AUTS2: variants seen among roughly 807,000 people sequenced by gnomAD.
AUTS2 encodes activator of transcription and developmental regulator AUTS2.
In AUTS2, 17 loss-of-function variants were observed where a neutral mutation model predicts 112.4. That is an observed-to-expected ratio of 0.15 (90% confidence interval 0.10 to 0.23). The LOEUF (loss-of-function observed/expected upper bound fraction) is 0.23. Ranked by LOEUF, AUTS2 falls within the 10% of genes least tolerant of loss-of-function variation. AUTS2 has a pLI of 1.00. For missense variants in AUTS2, 1,510 were observed against 1,701.6 expected (o/e 0.89, Z 1.98); for synonymous variants, 751 against 702.7 (o/e 1.07, Z -1.09).
chr7:70,234,378 T>C (rs1402580878), intron 4 of AUTS2, among the ~76,000 whole-genome samples: 3 of 152,198 alleles, frequency 2.0e-5, no homozygotes, highest in Non-Finnish European at 4.4e-5. Flanking sequence ...TCAACTCTTC[T>C]CTCAGTATTT....
At chr7:70,672,524 T>C (rs566679844) in intron 5 of AUTS2, among the ~76,000 whole-genome samples, 6 of 152,242 alleles carry the variant, frequency 3.9e-5, no homozygotes, top group African/African-American at 1.4e-4. Flanking sequence ...GTTACTCTCT[T>C]TGGGTGGAAC....
rs544823813 is a variant in AUTS2 at position 70,453,021 on chromosome 7, C to T, written c.690+17240C>T. On this transcript the variant is annotated intron_variant, in intron 5 of 18. Coordinates refer to ENST00000342771, the MANE Select transcript of AUTS2 (RefSeq NM_015570.4). The stretch of plus-strand genomic sequence containing the variant: ...TCCTCCCCTGTCCCTTCCCCACCTC[C>T]CTATCCTGTCTTGAACTTCCAACCC... Among the ~76,000 whole-genome samples, 5 of 152,288 alleles carry T rather than the reference C, an allele frequency of 3.3e-5. No homozygotes were observed. In the South Asian group the frequency reaches 1.0e-3, roughly 32 times the overall value.
intron 5 of AUTS2, among the ~76,000 whole-genome samples, chr7:70,618,415 T>C (rs1418996904): frequency 6.6e-6 from 1 of 152,168 alleles, no homozygotes; most frequent in African/African-American, 2.4e-5. Context: ...GCTCGGCCTG[T>C]TGGGTTTTAC....
In AUTS2 at chr7:70,309,304, A is replaced by G. The variant is rs142716251; in HGVS notation, c.661-126448A>G. 2.1e-3 allele frequency among the ~76,000 whole-genome samples: 324 copies of G among 152,326 alleles called. 2 individuals carry two copies. Among genetic ancestry groups the G allele is most frequent in the African/African-American group, 7.2e-3 (298 of 41,572 alleles). On this transcript the variant is annotated intron_variant, in intron 4 of 18. Transcript: ENST00000342771. ...AAATACATTTATGAAACTTCTCAGG[A>G]CCAGGTTTTGATAGTGCGGAGATCA...
chr7:69,794,029 T>C (rs1392437827), intron 1 of AUTS2, among the ~76,000 whole-genome samples: 1 of 152,176 alleles, frequency 6.6e-6, no homozygotes. Context: ...GGGAAAATTA[T>C]GCTGATTAGG....
At chr7:70,013,055 C>G (rs1799876517) in intron 2 of AUTS2, among the ~76,000 whole-genome samples, 1 of 152,186 alleles carries the variant, frequency 6.6e-6, no homozygotes, top group Non-Finnish European at 1.5e-5. Context: ...TGAAAACACA[C>G]TTTGCTGGAA....
chr7:70,765,143 G>A (rs1228654363), intron 8 of AUTS2, 138 bp downstream of exon 8: 23 of 1,209,226 alleles, frequency 1.9e-5, no homozygotes, highest in African/African-American at 3.1e-5. Context: ...TTCCTCAAAC[G>A]CTCTCTGGCC....
At chr7:70,516,998 G>A (rs1424595768) in intron 5 of AUTS2, among the ~76,000 whole-genome samples, 3 of 152,114 alleles carry the variant, frequency 2.0e-5, no homozygotes, top group Non-Finnish European at 4.4e-5. Flanking sequence ...ATAATTAGGT[G>A]CAATTTTCTC....
chr7:70,663,929 T>G (rs1336586841), intron 5 of AUTS2, among the ~76,000 whole-genome samples: 2 of 152,170 alleles, frequency 1.3e-5, no homozygotes, highest in African/African-American at 4.8e-5. Flanking sequence ...GGTTTTGGCT[T>G]AAGTCACATT....
At chr7:70,788,989 A>C (rs1791697617) in intron 18 of AUTS2, among the ~76,000 whole-genome samples, 1 of 152,116 alleles carries the variant, frequency 6.6e-6, no homozygotes, top group African/African-American at 2.4e-5. Flanking sequence ...TCGTGTTTTC[A>C]CTCACAGCTG....
At chr7:70,752,465 T>A (rs887466097) in intron 6 of AUTS2, among the ~76,000 whole-genome samples, 1 of 152,210 alleles carries the variant, frequency 6.6e-6, no homozygotes, top group Non-Finnish European at 1.5e-5. Flanking sequence ...GTTATAGATA[T>A]AAATGCCTTA....
At chr7:70,475,733 C>T (rs1797556964) in intron 5 of AUTS2, among the ~76,000 whole-genome samples, 1 of 152,172 alleles carries the variant, frequency 6.6e-6, no homozygotes, top group South Asian at 2.1e-4. Flanking sequence ...TAAGACGAGG[C>T]CACATGAAAA....
At chr7:69,870,942 A>G (rs144408269) in intron 1 of AUTS2, among the ~76,000 whole-genome samples, 218 of 152,340 alleles carry the variant, frequency 1.4e-3, no homozygotes, top group African/African-American at 5.1e-3. Context: ...ATATGAGAGC[A>G]TTCAACTTGT....
chr7:69,767,450 T>C (rs780350715), intron 1 of AUTS2, among the ~76,000 whole-genome samples: 1 of 152,204 alleles, frequency 6.6e-6, no homozygotes, highest in African/African-American at 2.4e-5. Flanking sequence ...AGTGCTAAGA[T>C]TATAGAGACG....
chr7:70,444,974 A>T (rs553012155), intron 5 of AUTS2, among the ~76,000 whole-genome samples: 1 of 152,272 alleles, frequency 6.6e-6, no homozygotes, highest in South Asian at 2.1e-4. Flanking sequence ...TCAGTGAAAA[A>T]CTAAGATTAG....
intron 2 of AUTS2, among the ~76,000 whole-genome samples, chr7:69,990,935 C>T (rs1483607842): frequency 2.6e-5 from 4 of 152,144 alleles, no homozygotes; most frequent in Non-Finnish European, 5.9e-5. Flanking sequence ...TCCTCAATCT[C>T]TGTGGTTTAA....
At chr7:69,639,794 T>C (rs1794720593) in intron 1 of AUTS2, among the ~76,000 whole-genome samples, 1 of 152,230 alleles carries the variant, frequency 6.6e-6, no homozygotes, top group African/African-American at 2.4e-5. Flanking sequence ...GATAGGACTC[T>C]TTTAAGAAAG....
At chr7:69,808,561 C>A (rs1790409677) in intron 1 of AUTS2, among the ~76,000 whole-genome samples, 2 of 152,070 alleles carry the variant, frequency 1.3e-5, no homozygotes, top group African/African-American at 4.8e-5. Flanking sequence ...AAATCATATA[C>A]TAGGTAATAT....
At chr7:70,603,518 G>C (rs1282930191) in intron 5 of AUTS2, among the ~76,000 whole-genome samples, 1 of 147,466 alleles carries the variant, frequency 6.8e-6, no homozygotes, top group East Asian at 1.9e-4. Context: ...TGCAGCCTGT[G>C]CTGTGCTCTC....
Sources: allele counts gnomAD v4.1 joint callset (sites outside exome capture counted in the v4.1 genomes callset), GRCh38; gene constraint gnomAD v4.1.1; transcripts MANE v1.5; gene names NCBI Gene and HGNC (gene_info 2026-07-23, HGNC 2026-07-21).